Variants in GALNT13 observed in about 807,000 individuals in gnomAD.
GALNT13 encodes the protein UDP-GalNAc:polypeptide N-acetylgalactosaminyltransferase 13.
Under a neutral mutation model 64.2 loss-of-function variants are expected in GALNT13, and 28 were observed. The observed-to-expected ratio is 0.44, with a 90% CI of 0.32 to 0.60. GALNT13 has a LOEUF of 0.60. GALNT13 is among the 20% of genes least tolerant of loss of function. The pLI, the probability that GALNT13 is intolerant of heterozygous loss-of-function variation, is 0.05. For synonymous variants in GALNT13, 214 were observed against 224.6 expected (o/e 0.95, Z 0.42); for missense variants, 577 against 669.8 (o/e 0.86, Z 1.53).
intron 4 of GALNT13, among the ~76,000 whole-genome samples, chr2:154,144,707 C>T (rs1048241958): frequency 3.3e-5 from 5 of 151,806 alleles, no homozygotes; most frequent in Admixed American, 6.6e-5. Context: ...AAAACGTATT[C>T]GGGGAATAAA....
At chr2:153,314,448 A>G in the GALNT13 span, among the ~76,000 whole-genome samples, 279 of 152,306 alleles carry the variant, frequency 1.8e-3, no homozygotes, top group East Asian at 0.011. Flanking sequence ...AAAGACACCT[A>G]TAGAACATTC....
chr2:153,270,138 A>G, the GALNT13 span, among the ~76,000 whole-genome samples: 7 of 152,226 alleles, frequency 4.6e-5, no homozygotes, highest in African/African-American at 1.7e-4. Flanking sequence ...TTTGGGACCA[A>G]TTCCAACTCC....
At chr2:154,304,879 G>A (rs1023544918) in intron 9 of GALNT13, among the ~76,000 whole-genome samples, 7 of 152,262 alleles carry the variant, frequency 4.6e-5, no homozygotes, top group African/African-American at 1.4e-4. Flanking sequence ...TTCCTAAAGG[G>A]CGTTTATGTT....
chr2:153,964,972 T>A (rs1693229221), intron 3 of GALNT13, among the ~76,000 whole-genome samples: 1 of 152,156 alleles, frequency 6.6e-6, no homozygotes, highest in Non-Finnish European at 1.5e-5. Flanking sequence ...CCCAACATTT[T>A]ACCACTGAAT....
At chr2:154,239,752 C>T (rs1196445404) in intron 4 of GALNT13, among the ~76,000 whole-genome samples, 1 of 152,162 alleles carries the variant, frequency 6.6e-6, no homozygotes, top group Non-Finnish European at 1.5e-5. Flanking sequence ...TAAATGTATG[C>T]TGGAAAATGT....
chr2:153,542,366 A>C, the GALNT13 span, among the ~76,000 whole-genome samples: 1 of 138,014 alleles, frequency 7.2e-6, no homozygotes, highest in African/African-American at 3.3e-5. Flanking sequence ...ACACAAAAAA[A>C]AAACCGGAAG....
chr2:153,871,582 G>C (rs767785553), upstream of GALNT13, among the ~76,000 whole-genome samples: 49 of 152,174 alleles, frequency 3.2e-4, no homozygotes, highest in South Asian at 2.1e-4. Flanking sequence ...GGCGTTGTGG[G>C]GCCCCAAAGC....
At chr2:154,185,546 T>G (rs1001711759) in intron 4 of GALNT13, among the ~76,000 whole-genome samples, 2 of 151,976 alleles carry the variant, frequency 1.3e-5, no homozygotes, top group Non-Finnish European at 2.9e-5. Flanking sequence ...TTTTATTGTT[T>G]TTACTTTTTG....
At chr2:154,337,854 G>A (rs1292677326) in intron 9 of GALNT13, among the ~76,000 whole-genome samples, 2 of 152,024 alleles carry the variant, frequency 1.3e-5, no homozygotes, top group Non-Finnish European at 2.9e-5. Flanking sequence ...AAAAAAGAAT[G>A]TTGTCGGTGG....
chr2:153,351,249 A>C, the GALNT13 span, among the ~76,000 whole-genome samples: 1 of 152,184 alleles, frequency 6.6e-6, no homozygotes, highest in Non-Finnish European at 1.5e-5. Flanking sequence ...TCTAGGAAAC[A>C]AGTGATTATG....
At chr2:154,062,240 C>G (rs973866267) in intron 3 of GALNT13, among the ~76,000 whole-genome samples, 14 of 152,178 alleles carry the variant, frequency 9.2e-5, no homozygotes, top group African/African-American at 2.6e-4. Context: ...GGAATCCAGT[C>G]TTACTTTATT....
chr2:153,485,217 A>G, the GALNT13 span, among the ~76,000 whole-genome samples: 2 of 152,128 alleles, frequency 1.3e-5, no homozygotes, highest in African/African-American at 4.8e-5. Flanking sequence ...CTTTTATCAG[A>G]TATATTAACC....
At chr2:153,861,559 C>CTTTTTTTTTTTTTTTTTTTTT in the GALNT13 span, among the ~76,000 whole-genome samples, 51 of 118,186 alleles carry the variant, frequency 4.3e-4, no homozygotes, top group African/African-American at 1.3e-3. Flanking sequence ...TTCTTTCTTT[C>CTTTTTTTTTTTTTTTTTTTTT]TTTTTTTTTT....
chr2:154,112,663 G>C (rs1210522262), intron 3 of GALNT13, among the ~76,000 whole-genome samples: 1 of 152,192 alleles, frequency 6.6e-6, no homozygotes, highest in Non-Finnish European at 1.5e-5. Flanking sequence ...CAGGTGCACT[G>C]CTTGAAGTTC....
chr2:153,745,491 C>T, the GALNT13 span, among the ~76,000 whole-genome samples: 1 of 151,994 alleles, frequency 6.6e-6, no homozygotes, highest in Admixed American at 6.6e-5. Context: ...CCTGAGGTTC[C>T]TTTTGAGGTT....
At chr2:153,634,632 C>G in the GALNT13 span, among the ~76,000 whole-genome samples, 1 of 144,882 alleles carries the variant, frequency 6.9e-6, no homozygotes, top group Non-Finnish European at 1.5e-5. Flanking sequence ...CTCATTGCAA[C>G]CTCCATCTCC....
chr2:153,541,441 G>C, the GALNT13 span, among the ~76,000 whole-genome samples: 1 of 152,078 alleles, frequency 6.6e-6, no homozygotes, highest in Non-Finnish European at 1.5e-5. Context: ...TTGCCCTCCT[G>C]TCTCTCATTT....
chr2:154,145,418 G>T (rs1243438374), intron 4 of GALNT13, among the ~76,000 whole-genome samples: 2 of 151,710 alleles, frequency 1.3e-5, no homozygotes, highest in Non-Finnish European at 3.0e-5. Flanking sequence ...TCTGTTGTCA[G>T]AAAGTAAATA....
chr2:153,523,816 C>A, the GALNT13 span, among the ~76,000 whole-genome samples: 1 of 152,002 alleles, frequency 6.6e-6, no homozygotes, highest in African/African-American at 2.4e-5. Context: ...TCTCTTATTG[C>A]ATTAGCTAGG....
Sources: allele counts gnomAD v4.1 joint callset (sites outside exome capture counted in the v4.1 genomes callset), GRCh38; gene constraint gnomAD v4.1.1; transcripts MANE v1.5; gene names NCBI Gene and HGNC (gene_info 2026-07-23, HGNC 2026-07-21).